Variants in TTLL10 observed in about 807,000 individuals in gnomAD.
The protein encoded by TTLL10 is tubulin tyrosine ligase like 10, also known as inactive polyglycylase TTLL10.
TTLL10 carries 61 observed loss-of-function variants against 69.0 expected under a neutral mutation model. That is an observed-to-expected ratio of 0.88 (90% CI 0.72 to 1.09). The LOEUF is 1.09. Ranked by LOEUF, TTLL10 falls within the 50% of genes least tolerant of loss-of-function variation. The probability of loss-of-function intolerance (pLI) is 0.00; values close to 1 mark genes in which losing one functional copy is unlikely to be tolerated. For synonymous variants in TTLL10, 408 were observed against 393.3 expected, an observed-to-expected ratio of 1.04 and a Z score of -0.44; for missense variants, 962 against 945.9, an observed-to-expected ratio of 1.02 and a Z score of -0.22.
At chr1:1,179,767 G>GC (rs751608175) in intron 5 of TTLL10, 30 bp downstream of exon 5, 4 of 1,528,666 alleles carry the variant, frequency 2.6e-6, no homozygotes, top group Non-Finnish European at 3.5e-6. Context: ...CGACCTCCCT[G>GC]CCCCCTGCTC....
Position 1,180,322 on chromosome 1 carries a change from G to C in TTLL10, c.488G>C (p.Gly163Ala). 1 of 1,577,672 alleles carries C rather than the reference G, an allele frequency of 6.3e-7. No homozygotes were observed. The highest frequency in any genetic ancestry group is 2.3e-5 in the East Asian group (1 of 42,886). ...CCGGGGCCCTTCTTCTACATTGGAG[G>C]CAGCAACGGGGCCACAATGTGAGTA... ...TRPGPFFYIG[G>A]SNGATIISSY... The change falls in exon 6 of 16, where the codon GGC becomes GCC. Residue 163 changes from glycine to alanine, a missense_variant. Coordinates refer to ENST00000379289, the MANE Select transcript of TTLL10 (RefSeq NM_001130045.2).
intron 3 of TTLL10, chr1:1,175,445 C>T (rs554222651): frequency 4.3e-5 from 15 of 351,496 alleles, no homozygotes; most frequent in Admixed American, 1.5e-4. Context: ...GTCTTCCACA[C>T]GCTGCCCTGT....
chr1:1,179,235 G>T lies in TTLL10; in HGVS notation c.20G>T (p.Arg7Leu), dbSNP rs752671231. The T allele has an allele frequency of 6.5e-7, 1 of 1,548,546 alleles. No homozygotes were observed. Among genetic ancestry groups the T allele is most frequent in the Non-Finnish European group, 8.7e-7 (1 of 1,145,676 alleles). The change falls in exon 4 of 16, where the codon CGG (arginine) becomes CTG (leucine). Residue 7 changes from arginine to leucine, a missense_variant. Transcript: ENST00000379289. ...CGGCCAATGGACCACAGCTGCACCC[G>T]GTTCATCCACCGCCGGGGACCACCC... MDHSCT[R>L]FIHRRGPPTR...
chr1:1,197,659 C>T lies in TTLL10; in HGVS notation c.1834C>T (p.Pro612Ser). 1 of 1,501,224 alleles carries T rather than the reference C, an allele frequency of 6.7e-7. No individual in the cohort carries two copies. The allele number at this position is 1,501,224 out of a possible 1,614,324, so 93.0% of individuals were successfully genotyped here. A position where few individuals can be genotyped will look rare whatever the true frequency, so the allele number is the denominator to read the frequency against. ...CCCAGACCAGCCGGGCGCCCGCAGG[C>T]CTGCGCCACCTCCCTTGGTGCCGCA... ...HAPDQPGARRPAPPPLVPQRP... is the reference protein window; with the variant it reads ...HAPDQPGARRSAPPPLVPQRP... The change falls in exon 16 of 16, where the codon CCT (proline) becomes TCT (serine). Residue 612 changes from proline to serine, a missense_variant. Coordinates refer to ENST00000379289, the MANE Select transcript of TTLL10 (RefSeq NM_001130045.2).
chr1:1,188,611 G>A (rs942821658), intron 13 of TTLL10, among the ~76,000 whole-genome samples: 2 of 152,050 alleles, frequency 1.3e-5, no homozygotes, highest in Non-Finnish European at 2.9e-5. Context: ...CACTGTGTTG[G>A]CCAGGCTGAT....
intron 12 of TTLL10, among the ~76,000 whole-genome samples, chr1:1,184,335 T>C (rs576344120): frequency 6.6e-6 from 1 of 152,296 alleles, no homozygotes; most frequent in African/African-American, 2.4e-5. Context: ...GTGAAAGGGC[T>C]CAGAGCCCTG....
chr1:1,196,326 C>A, intron 13 of TTLL10: 1 of 429,362 alleles, frequency 2.3e-6, no homozygotes, highest in Non-Finnish European at 4.3e-6. Flanking sequence ...ATTTGCTATC[C>A]GTCTCTTCTG....
At chr1:1,186,327 G>C (rs922090788) in intron 13 of TTLL10, among the ~76,000 whole-genome samples, 6 of 152,266 alleles carry the variant, frequency 3.9e-5, no homozygotes, top group Non-Finnish European at 7.3e-5. Context: ...GACCTCAGGT[G>C]ACCCGCCCGC....
rs1245535600 is a variant in TTLL10 at position 1,180,838 on chromosome 1, G to A, written c.733G>A (p.Val245Met). ...ACGGGCCATGAGCAAGGCCAGCAAG[G>A]TGCCGGGGGGGGTCCAGGCCAGGTG... ...RARAMSKASK[V>M]PGGVQARLEK... is the part of the protein sequence containing the mutation. The change falls in exon 8 of 16, where the codon GTG becomes ATG. Residue 245 changes from valine to methionine, a missense_variant. Coordinates refer to ENST00000379289, the MANE Select transcript of TTLL10 (RefSeq NM_001130045.2). 2 of 1,583,488 alleles carry A rather than the reference G, an allele frequency of 1.3e-6. No homozygotes were observed. The highest frequency in any genetic ancestry group is 1.7e-6 in the Non-Finnish European group (2 of 1,165,778).
chr1:1,183,630 G>A (rs1458218828), intron 11 of TTLL10, among the ~76,000 whole-genome samples: 1 of 152,184 alleles, frequency 6.6e-6, no homozygotes, highest in Non-Finnish European at 1.5e-5. Flanking sequence ...GCGCCCGCCT[G>A]GCGCGCTCCT....
intron 13 of TTLL10, among the ~76,000 whole-genome samples, chr1:1,193,120 T>C (rs1210735855): frequency 6.6e-6 from 1 of 152,162 alleles, no homozygotes; most frequent in Non-Finnish European, 1.5e-5. Flanking sequence ...AGGTCAGGGA[T>C]TGAGACCATC....
Position 1,180,294 on chromosome 1 carries a change from CG to C in TTLL10, c.462del (p.Pro155ArgfsTer38). 1.1e-5 allele frequency: 17 copies of C among 1,589,414 alleles called. No individual in the cohort carries two copies. The highest frequency in any genetic ancestry group is 1.4e-5 in the Non-Finnish European group (16 of 1,168,980). ...GGGKPSPHST[R>X]PGPFFYIGGS... Reference sequence around the variant, plus strand: ...TGGGAAGCCATCGCCCCACAGCACCCGGCCGGGGCCCTTCTTCTACATTGGA... The same window carrying C: ...TGGGAAGCCATCGCCCCACAGCACCCGCCGGGGCCCTTCTTCTACATTGGA... On this transcript the variant is annotated frameshift_variant, in exon 6 of 16. Transcript: ENST00000379289. LOFTEE classifies it high-confidence loss of function.
At chr1:1,188,405 A>AT (rs57122719) in intron 13 of TTLL10, among the ~76,000 whole-genome samples, 2,740 of 140,352 alleles carry the variant, frequency 0.02, 44 homozygotes, top group African/African-American at 0.039. Context: ...GTCCAATGAA[A>AT]TTTTTTTTTT....
intron 12 of TTLL10, among the ~76,000 whole-genome samples, chr1:1,184,356 C>T (rs370498418): frequency 4.7e-4 from 72 of 152,352 alleles, no homozygotes; most frequent in African/African-American, 1.7e-3. Flanking sequence ...TAGCCCTCAG[C>T]GTGCAGCCTG....
Position 1,180,579 on chromosome 1 carries a change from C to G in TTLL10, c.603C>G (p.Asp201Glu). The change falls in exon 7 of 16, where the codon GAC (aspartate) becomes GAG (glutamate). Residue 201 changes from aspartate to glutamate, a missense_variant. Asp to Glu is a conservative substitution (Grantham distance 45). Coordinates refer to ENST00000379289, the MANE Select transcript of TTLL10 (RefSeq NM_001130045.2). ...TLKWCEVKSR[D>E]SYGSFREGEQ... is the part of the protein sequence containing the mutation. ...AGTGGTGTGAGGTCAAGAGCCGAGACAGCTACGGCAGCTTCCGGGAAGGTA... is the reference window on the plus strand; with the variant it reads ...AGTGGTGTGAGGTCAAGAGCCGAGAGAGCTACGGCAGCTTCCGGGAAGGTA... 1 of 1,551,582 alleles carries G rather than the reference C, an allele frequency of 6.4e-7. No homozygotes were observed. The highest frequency in any genetic ancestry group is 8.7e-7 in the Non-Finnish European group (1 of 1,147,236).
At chr1:1,188,630 C>G (rs1647520230) in intron 13 of TTLL10, among the ~76,000 whole-genome samples, 1 of 152,176 alleles carries the variant, frequency 6.6e-6, no homozygotes, top group Admixed American at 6.5e-5. Context: ...ATCTCGAACT[C>G]CTGACCTCAG....
intron 3 of TTLL10, 57 bp downstream of exon 3, chr1:1,174,546 CT>C (rs2100832895): frequency 6.6e-6 from 1 of 152,376 alleles, no homozygotes; most frequent in South Asian, 2.1e-4. Flanking sequence ...TCCACGCCGC[CT>C]TTACACCGTG....
chr1:1,185,211 G>A lies in TTLL10; in HGVS notation c.1401+102G>A. 6.5e-7 allele frequency: 1 copy of A among 1,537,320 alleles called. No homozygotes were observed. The highest frequency in any genetic ancestry group is 8.8e-7 in the Non-Finnish European group (1 of 1,141,816). On this transcript the variant is annotated intron_variant, in intron 13 of 15. Transcript: ENST00000379289. This position sits in a 1 kb window ranked among gnomAD's most constrained non-coding sequence, Gnocchi z 6.1. ...ACACAGATGTCCGTGGCGTGCGTGG[G>A]CGGCTGCGCTGAAGTGTGACCTGAC...
At chr1:1,189,955 A>G (rs1570434638) in intron 13 of TTLL10, among the ~76,000 whole-genome samples, 1 of 152,068 alleles carries the variant, frequency 6.6e-6, no homozygotes, top group Non-Finnish European at 1.5e-5. Context: ...TACTAAAAAT[A>G]CAAAAAATTA....
Sources: gnomAD v4.1 joint callset for allele counts (sites outside exome capture counted in the v4.1 genomes callset) on GRCh38, gnomAD v4.1.1 for gene constraint, Gnocchi (gnomAD v3.1) non-coding constraint, MANE v1.5 for transcripts, NCBI Gene and HGNC (gene_info 2026-07-23, HGNC 2026-07-21) for gene names.